SBF2: variants seen among roughly 807,000 people sequenced by gnomAD.
SBF2 encodes SET binding factor 2.
A neutral mutation model predicts 225.2 loss-of-function variants in SBF2; 112 were observed. The ratio of observed to expected loss-of-function variants is 0.50; its 90% CI spans 0.43 to 0.58. The LOEUF (loss-of-function observed/expected upper bound fraction) is 0.58, where lower values mean the gene tolerates loss of function less well. SBF2 is among the 20% of genes least tolerant of loss of function. The pLI is 0.00. For missense variants in SBF2, 1,996 were observed against 2,206.2 expected, an observed-to-expected ratio of 0.90 and a Z score of 1.91; for synonymous variants, 763 against 773.3, an observed-to-expected ratio of 0.99 and a Z score of 0.22.
chr11:9,968,632 C>T lies in SBF2; in HGVS notation c.1396-87G>A, dbSNP rs114180283. On this transcript the variant is annotated intron_variant, in intron 13 of 39. Coordinates refer to ENST00000256190, the MANE Select transcript of SBF2 (RefSeq NM_030962.4). ...AAGGGAGTGGGAGCTTACAGGGACACGAGCTGGGTAGTTATACATACATTC... is the reference window on the plus strand; with the variant it reads ...AAGGGAGTGGGAGCTTACAGGGACATGAGCTGGGTAGTTATACATACATTC... 3,267 of 1,054,962 alleles carry T rather than the reference C, an allele frequency of 3.1e-3. 68 individuals carry two copies. In the African/African-American group the frequency reaches 0.044, roughly 14 times the overall value. The allele number at this position is 1,054,962 out of a possible 1,614,324, so 65.4% of individuals were successfully genotyped here.
intron 17 of SBF2, among the ~76,000 whole-genome samples, chr11:9,882,795 CAA>C (rs56699466): frequency 8.9e-5 from 8 of 90,096 alleles, no homozygotes; most frequent in East Asian, 4.3e-4. Context: ...GTGACAGAGT[CAA>C]AAAAAAAAAA....
At chr11:10,091,955 T>G (rs1951801733) in intron 2 of SBF2, among the ~76,000 whole-genome samples, 2 of 152,324 alleles carry the variant, frequency 1.3e-5, no homozygotes, top group East Asian at 3.9e-4. Flanking sequence ...ACAATTTGGA[T>G]TAGTCAAGTA....
chr11:10,126,971 G>A (rs1386756846), intron 2 of SBF2, among the ~76,000 whole-genome samples: 1 of 151,980 alleles, frequency 6.6e-6, no homozygotes, highest in African/African-American at 2.4e-5. Flanking sequence ...ACTTATAAAG[G>A]GTACCTAAAA....
chr11:10,093,134 A>G (rs1296727388), intron 2 of SBF2, among the ~76,000 whole-genome samples: 1 of 151,510 alleles, frequency 6.6e-6, no homozygotes, highest in Admixed American at 6.6e-5. Context: ...CTCCTGCCTT[A>G]GCCTCCCAAG....
intron 2 of SBF2, among the ~76,000 whole-genome samples, chr11:10,151,067 C>A (rs149018270): frequency 3.3e-5 from 5 of 152,320 alleles, no homozygotes; most frequent in African/African-American, 1.2e-4. Flanking sequence ...TAAAGGTTGA[C>A]ATGTATTTCC....
chr11:10,287,057 G>T (rs936498345), intron 1 of SBF2, among the ~76,000 whole-genome samples: 4 of 152,094 alleles, frequency 2.6e-5, no homozygotes, highest in African/African-American at 9.7e-5. Context: ...GCAATAAAAA[G>T]GAACAACTGC....
chr11:10,286,174 A>G (rs1278718415), intron 1 of SBF2, among the ~76,000 whole-genome samples: 9 of 151,720 alleles, frequency 5.9e-5, no homozygotes, highest in East Asian at 3.9e-4. Flanking sequence ...ACGCACACAC[A>G]CACACACACA....
chr11:9,882,063 C>T (rs1859811369), intron 17 of SBF2, among the ~76,000 whole-genome samples: 1 of 152,152 alleles, frequency 6.6e-6, no homozygotes, highest in South Asian at 2.1e-4. Flanking sequence ...CTTTACACAA[C>T]ATAATGAGTC....
chr11:9,992,298 A>G (rs1947474746), intron 12 of SBF2, 117 bp downstream of exon 12: 1 of 750,642 alleles, frequency 1.3e-6, no homozygotes, highest in Admixed American at 3.3e-5. Flanking sequence ...TAACATTGGG[A>G]TTATTTAATA....
At chr11:10,014,205 T>G (rs974436183) in intron 6 of SBF2, among the ~76,000 whole-genome samples, 5 of 152,170 alleles carry the variant, frequency 3.3e-5, no homozygotes, top group Admixed American at 3.3e-4. Flanking sequence ...TGGGGTGACT[T>G]TGCTTCTAGG....
chr11:9,973,330 A>G (rs1377103930), intron 13 of SBF2, among the ~76,000 whole-genome samples: 1 of 152,348 alleles, frequency 6.6e-6, no homozygotes, highest in East Asian at 1.9e-4. Context: ...TGAAATAAGG[A>G]AATCCGTTAT....
In SBF2 at chr11:10,180,669, A is replaced by G. The variant is rs192004845; in HGVS notation, c.141+13233T>C. Among the ~76,000 whole-genome samples, 36 of 152,174 alleles carry G rather than the reference A, an allele frequency of 2.4e-4. 1 individual carries two copies. The East Asian group carries it at 3.3e-3, about 14-fold the overall frequency. On this transcript the variant is annotated intron_variant, in intron 2 of 39. Transcript: ENST00000256190. ...CACTTTGAGTAAACTTTCTACCCCT[A>G]TCTCTCTCTACCTCCTCTTTAAGGC...
rs553274127 is a variant in SBF2 at position 9,830,327 on chromosome 11, C to T, written c.3653-831G>A. On this transcript the variant is annotated intron_variant, in intron 27 of 39. Transcript: ENST00000256190. The stretch of plus-strand genomic sequence containing the variant: ...CTTTAATATGTCATCAATTCTAAGA[C>T]GCACTGTTATTTTATTGCCTAACAA... Among the ~76,000 whole-genome samples the T allele has an allele frequency of 4.6e-5, 7 of 152,268 alleles. No homozygotes were observed. The South Asian group carries it at 8.3e-4, about 18-fold the overall frequency.
chr11:9,961,130 T>A (rs1866540913), intron 16 of SBF2: 1 of 152,210 alleles, frequency 6.6e-6, no homozygotes, highest in Admixed American at 6.5e-5. Flanking sequence ...AGAATTGATA[T>A]CTTTAACATA....
chr11:9,796,131 T>TA (rs1564861143), intron 32 of SBF2, among the ~76,000 whole-genome samples, 174 bp from the exon 33 acceptor site: 1 of 151,376 alleles, frequency 6.6e-6, no homozygotes, highest in Non-Finnish European at 1.5e-5. Flanking sequence ...TCCGAGCACC[T>TA]ACTGTGTGCC....
At chr11:9,972,546 T>C (rs532333404) in intron 13 of SBF2, among the ~76,000 whole-genome samples, 1 of 152,196 alleles carries the variant, frequency 6.6e-6, no homozygotes, top group South Asian at 2.1e-4. Context: ...AGTGGCGCGA[T>C]CTCTGCTCGC....
At chr11:9,916,224 A>G (rs1590431504) in intron 16 of SBF2, among the ~76,000 whole-genome samples, 1 of 152,236 alleles carries the variant, frequency 6.6e-6, no homozygotes, top group Non-Finnish European at 1.5e-5. Flanking sequence ...TATGACTTAT[A>G]TCATAAAAAG....
intron 2 of SBF2, among the ~76,000 whole-genome samples, chr11:10,164,667 T>A (rs1352001029): frequency 6.6e-6 from 1 of 151,552 alleles, no homozygotes; most frequent in Non-Finnish European, 1.5e-5. Flanking sequence ...TGAGACAGTT[T>A]GAAGACTAAA....
rs571964282 is a variant in SBF2 at position 10,210,466 on chromosome 11, G to C, written c.56-16479C>G. On this transcript the variant is annotated intron_variant, in intron 1 of 39. Coordinates refer to ENST00000256190, the MANE Select transcript of SBF2 (RefSeq NM_030962.4). ...CTTACATATCACTTGCCAAAGCCTTGTCACATGATTACACCCAATAGCAAG... is the reference window on the plus strand; with the variant it reads ...CTTACATATCACTTGCCAAAGCCTTCTCACATGATTACACCCAATAGCAAG... 9.2e-4 allele frequency among the ~76,000 whole-genome samples: 139 copies of C among 151,138 alleles called. 1 individual carries two copies. Among genetic ancestry groups the C allele is most frequent in the African/African-American group, 3.2e-3 (132 of 41,502 alleles).
Sources: allele counts gnomAD v4.1 joint callset (sites outside exome capture counted in the v4.1 genomes callset), GRCh38; gene constraint gnomAD v4.1.1; transcripts MANE v1.5; gene names NCBI Gene and HGNC (gene_info 2026-07-23, HGNC 2026-07-21).